The following CCDC126 variants were observed in gnomAD, a reference collection of about 807,000 sequenced individuals.
CCDC126 encodes the protein coiled-coil domain-containing protein 126.
Under a neutral mutation model 11.7 loss-of-function variants are expected in CCDC126, and 5 were observed. The observed-to-expected ratio is 0.43, with a 90% confidence interval of 0.22 to 0.90. The LOEUF is 0.90. Among genes scored for constraint, CCDC126 ranks in the 40% least tolerant of loss-of-function variants. The pLI, the probability that CCDC126 is intolerant of heterozygous loss-of-function variation, is 0.27. For synonymous variants in CCDC126, 60 were observed against 61.9 expected (o/e 0.97, Z 0.14); for missense variants, 150 against 163.1 (o/e 0.92, Z 0.44).
chr7:23,619,220 TG>T, intron 3 of CCDC126: 1 of 171,630 alleles, frequency 5.8e-6, no homozygotes, highest in East Asian at 1.8e-4. Context: ...TAATGCATGC[TG>T]GGCTTAATAC....
intron 3 of CCDC126, among the ~76,000 whole-genome samples, chr7:23,623,742 C>T (rs1782966582): frequency 6.6e-6 from 1 of 152,104 alleles, no homozygotes; most frequent in South Asian, 2.1e-4. Context: ...TTGATGTTCT[C>T]ATCACAGAAA....
At chr7:23,628,909 C>T (rs548492601) in intron 3 of CCDC126, among the ~76,000 whole-genome samples, 2 of 152,226 alleles carry the variant, frequency 1.3e-5, no homozygotes, top group East Asian at 3.9e-4. Flanking sequence ...AGCCCACCAC[C>T]CTTGAGTATT....
At chr7:23,641,706 C>G (rs779895556) in intron 3 of CCDC126, among the ~76,000 whole-genome samples, 4 of 152,116 alleles carry the variant, frequency 2.6e-5, no homozygotes, top group Admixed American at 2.6e-4. Context: ...CTAGGTGATT[C>G]TGGGAAACCT....
At chr7:23,600,380 C>G (rs10272577) in intron 2 of CCDC126, among the ~76,000 whole-genome samples, 13 of 136,030 alleles carry the variant, frequency 9.6e-5, no homozygotes, top group East Asian at 4.4e-4. Flanking sequence ...GTTAACCCCC[C>G]CCCCCCCACC....
intron 3 of CCDC126, among the ~76,000 whole-genome samples, chr7:23,640,296 G>A (rs189227885): frequency 5.3e-4 from 80 of 151,832 alleles, no homozygotes; most frequent in African/African-American, 1.9e-3. Context: ...TCGGGAGTTC[G>A]AGACCAGCCT....
At chr7:23,602,302 C>T (rs1188390299) in intron 2 of CCDC126, 1 of 152,274 alleles carries the variant, frequency 6.6e-6, no homozygotes, top group African/African-American at 2.4e-5. Context: ...ATGCTTAATA[C>T]AAGTTTTAAG....
intron 3 of CCDC126, among the ~76,000 whole-genome samples, chr7:23,635,742 C>T (rs542092979): frequency 6.6e-6 from 1 of 152,234 alleles, no homozygotes; most frequent in Non-Finnish European, 1.5e-5. Context: ...TCTTTAATTG[C>T]CAATTTCTAA....
At chr7:23,608,395 A>G (rs1451806546) in intron 2 of CCDC126, among the ~76,000 whole-genome samples, 1 of 152,244 alleles carries the variant, frequency 6.6e-6, no homozygotes, top group Non-Finnish European at 1.5e-5. Flanking sequence ...CCTGCAACCC[A>G]TGGGCTGCAT....
intron 3 of CCDC126, among the ~76,000 whole-genome samples, chr7:23,641,071 T>C (rs1048463053): frequency 5.9e-5 from 9 of 151,702 alleles, no homozygotes; most frequent in Non-Finnish European, 1.3e-4. Flanking sequence ...TGTTTAAGTT[T>C]TTGAGGAACT....
intron 3 of CCDC126, chr7:23,622,752 C>A: frequency 1.9e-6 from 1 of 517,294 alleles, no homozygotes; most frequent in Non-Finnish European, 3.9e-6. Flanking sequence ...TCCTGGAGTT[C>A]CTGTCATGTA....
rs915628125 is a variant in CCDC126 at position 23,623,015 on chromosome 7, C to T, written c.238+11462C>T. Among the ~76,000 whole-genome samples, 4 of 138,644 alleles carry T rather than the reference C, an allele frequency of 2.9e-5. No homozygotes were observed. In the East Asian group the frequency reaches 8.2e-4, roughly 28 times the overall value. The allele number at this position is 138,644 out of a possible 152,430, so 91.0% of individuals were successfully genotyped here. On this transcript the variant is annotated intron_variant, in intron 3 of 3. Transcript: ENST00000307471. ...TGAGATGAAGTTTTGCTCTTGTTGC[C>T]CAGGCTGGAGTGCAATGGCACAATC...
intron 3 of CCDC126, 113 bp downstream of exon 3, chr7:23,611,666 CT>C: frequency 1.4e-6 from 1 of 711,414 alleles, no homozygotes; most frequent in Non-Finnish European, 2.4e-6. Context: ...TTTTTCTTGA[CT>C]TTTTATTATG....
chr7:23,624,004 T>C (rs1220328812), intron 3 of CCDC126, among the ~76,000 whole-genome samples: 11 of 152,200 alleles, frequency 7.2e-5, no homozygotes, highest in Middle Eastern at 3.2e-3. Flanking sequence ...TAGTACATGG[T>C]GTAAAATTTC....
In CCDC126 at chr7:23,630,718, C is replaced by CAAAAAAAA. The variant is rs775279967; in HGVS notation, c.239-12191_239-12184dup. Among the ~76,000 whole-genome samples the CAAAAAAAA allele has an allele frequency of 7.8e-5, 2 of 25,526 alleles. 1 individual carries two copies. Among genetic ancestry groups the CAAAAAAAA allele is most frequent in the African/African-American group, 2.6e-4 (2 of 7,744 alleles). 16.7% of individuals were successfully genotyped at this position (25,526 alleles called of 152,430 possible). Reference sequence around the variant, plus strand: ...TAGGTGACAGAGCAAGACCCTATCTCAAAAAAAAAAAAAAAAAAAAAAAAA... The same window carrying CAAAAAAAA: ...TAGGTGACAGAGCAAGACCCTATCTCAAAAAAAAAAAAAAAAAAAAAAAAAAAAAAAAA... On this transcript the variant is annotated intron_variant, in intron 3 of 3. Coordinates refer to ENST00000307471, the MANE Select transcript of CCDC126 (RefSeq NM_138771.4).
At chr7:23,634,137 A>G (rs1308787852) in intron 3 of CCDC126, among the ~76,000 whole-genome samples, 1 of 152,168 alleles carries the variant, frequency 6.6e-6, no homozygotes, top group African/African-American at 2.4e-5. Flanking sequence ...CCAGGAAACA[A>G]TATTTAGGTA....
intron 3 of CCDC126, among the ~76,000 whole-genome samples, chr7:23,621,122 A>G (rs1185956619): frequency 6.6e-6 from 1 of 152,224 alleles, no homozygotes; most frequent in Non-Finnish European, 1.5e-5. Context: ...GAAGAAAGTC[A>G]TTGGTAGCTT....
intron 3 of CCDC126, among the ~76,000 whole-genome samples, chr7:23,623,370 G>A (rs1782956854): frequency 6.6e-6 from 1 of 152,030 alleles, no homozygotes. Context: ...GCCGAGGTGG[G>A]CGGATCACCT....
At chr7:23,625,553 G>T (rs1367287361) in intron 3 of CCDC126, among the ~76,000 whole-genome samples, 1 of 150,392 alleles carries the variant, frequency 6.6e-6, no homozygotes, top group Non-Finnish European at 1.5e-5. Context: ...TTAAATGTTT[G>T]TTGGCTGTTT....
At chr7:23,622,745 T>C (rs967705591) in intron 3 of CCDC126, 2 of 519,710 alleles carry the variant, frequency 3.8e-6, no homozygotes, top group Middle Eastern at 6.7e-4. Context: ...TTAAGATTCC[T>C]GGAGTTCCTG....
Sources: gnomAD v4.1 joint callset for allele counts (sites outside exome capture counted in the v4.1 genomes callset) on GRCh38, gnomAD v4.1.1 for gene constraint, MANE v1.5 for transcripts, NCBI Gene and HGNC (gene_info 2026-07-23, HGNC 2026-07-21) for gene names.